Variants in PNMA1 observed in about 807,000 individuals in gnomAD.
PNMA1 encodes PNMA family member 1, also known as paraneoplastic antigen Ma1.
PNMA1 carries 21 observed loss-of-function variants against 26.1 expected under a neutral mutation model. The observed-to-expected ratio is 0.80, with a 90% CI of 0.57 to 1.16. The LOEUF is 1.16. PNMA1 is among the 50% of genes most tolerant of loss of function. PNMA1 has a pLI of 0.00. For synonymous variants in PNMA1, 189 were observed against 177.3 expected (o/e 1.07, Z -0.52); for missense variants, 435 against 437.3 (o/e 0.99, Z 0.05).
Position 73,712,622 on chromosome 14 carries a change from C to A in PNMA1, c.1018G>T (p.Ala340Ser), listed in dbSNP as rs779762720. ...CCTAACTGCAGAAGGGTGGCCTCAG[C>A]CTCCTCCTCCTCCTCCTTGGCTTCC... ...EEEAKEEEEE[A>S]EATLLQLGLE... is the part of the protein sequence containing the mutation. Residue 340 changes from alanine to serine, a missense_variant, in exon 1 of 1, where the codon GCT becomes TCT. Ala to Ser is a moderately conservative substitution (Grantham distance 99). Transcript: ENST00000316836. 1 of 1,590,028 alleles carries A rather than the reference C, an allele frequency of 6.3e-7. No homozygotes were observed. Among genetic ancestry groups the A allele is most frequent in the South Asian group, 1.1e-5 (1 of 88,780 alleles).
Position 73,712,493 on chromosome 14 carries a change from A to T in PNMA1, c.*85T>A. ...AACAGAACAAGGCTAAGCCTTTACT[A>T]CTCAGAGACACATCTGTAAGACCCC... On this transcript the variant is annotated 3_prime_UTR_variant, in exon 1 of 1. Transcript: ENST00000316836. The T allele has an allele frequency of 2.2e-6, 2 of 910,652 alleles. No homozygotes were observed. Among genetic ancestry groups the T allele is most frequent in the Non-Finnish European group, 3.4e-6 (2 of 592,686 alleles). 56.4% of individuals were successfully genotyped at this position (910,652 alleles called of 1,614,324 possible). A position where few individuals can be genotyped will look rare whatever the true frequency, so the allele number is the denominator to read the frequency against.
In PNMA1 at chr14:73,712,629, CTCCTCCTCCTTGGCT is replaced by C; in HGVS notation, c.996_1010del (p.Ala333_Glu337del). 6.2e-7 allele frequency: 1 copy of C among 1,613,298 alleles called. No individual in the cohort carries two copies. The highest frequency in any genetic ancestry group is 8.5e-7 in the Non-Finnish European group (1 of 1,179,618). ...GCAGAAGGGTGGCCTCAGCCTCCTC[CTCCTCCTCCTTGGCT>C]TCCTCCTCACGGATCTGCACCAGCA... is the stretch of plus-strand genomic sequence containing the variant. On this transcript the variant is annotated inframe_deletion, in exon 1 of 1. Transcript: ENST00000316836.
At position 73,713,991 on chromosome 14, in the gene PNMA1, C is replaced by A. The variant is rs1595241970; in HGVS notation, c.-352G>T. Reference sequence around the variant, plus strand: ...GAAGGCAGGCGCGCTGGGCCGAGAGCCGCCGGGGTGTGGTCGCGGGGCGTG... The same window carrying A: ...GAAGGCAGGCGCGCTGGGCCGAGAGACGCCGGGGTGTGGTCGCGGGGCGTG... On this transcript the variant is annotated 5_prime_UTR_variant, in exon 1 of 1. Coordinates refer to ENST00000316836, the MANE Select transcript of PNMA1 (RefSeq NM_006029.5). 2 of 193,552 alleles carry A rather than the reference C, an allele frequency of 1.0e-5. No homozygotes were observed. The highest frequency in any genetic ancestry group is 2.3e-5 in the Non-Finnish European group (2 of 88,190). 12.0% of individuals were successfully genotyped at this position (193,552 alleles called of 1,614,324 possible).
chr14:73,713,130 T>C lies in PNMA1; in HGVS notation c.510A>G (p.Pro170=), dbSNP rs1319074612. ...GATCAAAGGTTTCCTCTCCAGGCCC[T>C]GGGATGTCCCTCCCCGAGAAAAGTG... ...RLTLFSGRDI[P]GPGEETFDPW... The change falls in exon 1 of 1, where the codon CCA becomes CCG. Residue 170 remains proline, a synonymous_variant. Coordinates refer to ENST00000316836, the MANE Select transcript of PNMA1 (RefSeq NM_006029.5). The C allele has an allele frequency of 1.9e-6, 3 of 1,612,372 alleles. No homozygotes were observed. In the Admixed American group the frequency reaches 5.0e-5, roughly 27 times the overall value.
chr14:73,713,541 A>G lies in PNMA1; in HGVS notation c.99T>C (p.Ala33=), dbSNP rs1300852595. 3 of 1,614,006 alleles carry G rather than the reference A, an allele frequency of 1.9e-6. No individual in the cohort carries two copies. Among genetic ancestry groups the G allele is most frequent in the Non-Finnish European group, 2.5e-6 (3 of 1,180,014 alleles). The change falls in exon 1 of 1, where the codon GCT becomes GCC. Residue 33 remains alanine (A), a synonymous_variant. Coordinates refer to ENST00000316836, the MANE Select transcript of PNMA1 (RefSeq NM_006029.5). The part of the protein sequence containing the change: ...VWGIPVNCDE[A]EIEETLQAAM... ...CAGCCTGGAGGGTCTCTTCGATTTC[A>G]GCCTCATCACAGTTCACTGGGATGC...
rs538645852 is a variant in PNMA1 at position 73,712,271 on chromosome 14, C to T, written c.*307G>A. 3.4e-5 allele frequency: 11 copies of T among 327,278 alleles called. No individual in the cohort carries two copies. The South Asian group carries it at 5.8e-4, about 17-fold the overall frequency. The allele number at this position is 327,278 out of a possible 1,614,324, so 20.3% of individuals were successfully genotyped here. ...TGTGGAATAAGAAGTGTCATAGGTT[C>T]GCGTGTTTTTCACAACTGATTATGA... On this transcript the variant is annotated 3_prime_UTR_variant, in exon 1 of 1. Coordinates refer to ENST00000316836, the MANE Select transcript of PNMA1 (RefSeq NM_006029.5).
rs1253409068 is a variant in PNMA1 at position 73,713,281 on chromosome 14, G to A, written c.359C>T (p.Ala120Val). ...AREGWTVQDV[A>V]RVLGFQNPTP... ...AGGGTTCTGAAACCCAAGGACACGG[G>A]CAACATCTTGCACGGTCCACCCCTC... is the stretch of plus-strand genomic sequence containing the variant. The change falls in exon 1 of 1, where the codon GCC becomes GTC. Residue 120 changes from alanine (A) to valine (V), a missense_variant. Ala to Val is a moderately conservative substitution (Grantham distance 64, BLOSUM62 0). Coordinates refer to ENST00000316836, the MANE Select transcript of PNMA1 (RefSeq NM_006029.5). 6.2e-7 allele frequency: 1 copy of A among 1,614,216 alleles called. No individual in the cohort carries two copies. The highest frequency in any genetic ancestry group is 8.5e-7 in the Non-Finnish European group (1 of 1,180,038).
chr14:73,713,299 C>T lies in PNMA1; in HGVS notation c.341G>A (p.Trp114Ter). The change falls in exon 1 of 1, where the codon TGG (tryptophan) becomes TAG (stop). Residue 114 changes from tryptophan to a stop codon, truncating the protein, a stop_gained. Coordinates refer to ENST00000316836, the MANE Select transcript of PNMA1 (RefSeq NM_006029.5). LOFTEE classifies it high-confidence loss of function. ...GACACGGGCAACATCTTGCACGGTC[C>T]ACCCCTCTCTAGCTAGGAAGAGGTG... The part of the protein sequence containing the change: ...RLHLFLAREG[W>*]TVQDVARVLG... The T allele has an allele frequency of 6.2e-7, 1 of 1,614,192 alleles. No homozygotes were observed. The highest frequency in any genetic ancestry group is 2.2e-5 in the East Asian group (1 of 44,888).
In PNMA1 at chr14:73,712,538, C is replaced by G. The variant is rs768616345; in HGVS notation, c.*40G>C. The stretch of plus-strand genomic sequence containing the variant: ...GACCCCACAGGGACAAGAAAAGTAG[C>G]TGTGATCTAGGTCTGCACTAAAGCT... On this transcript the variant is annotated 3_prime_UTR_variant, in exon 1 of 1. Coordinates refer to ENST00000316836, the MANE Select transcript of PNMA1 (RefSeq NM_006029.5). 5.2e-6 allele frequency: 7 copies of G among 1,354,640 alleles called. No homozygotes were observed. Among genetic ancestry groups the G allele is most frequent in the Non-Finnish European group, 4.1e-6 (4 of 984,718 alleles). 83.9% of individuals were successfully genotyped at this position (1,354,640 alleles called of 1,614,324 possible). A position where few individuals can be genotyped will look rare whatever the true frequency, so the allele number is the denominator to read the frequency against.
Position 73,713,416 on chromosome 14 carries a change from G to A in PNMA1, c.224C>T (p.Ala75Val), listed in dbSNP as rs757179980. Reference sequence around the variant, plus strand: ...GCCCGGCATCTCCCTGGGGATCGCGGCGTAATCTACAGCGCCAGTGAGCTC... The same window carrying A: ...GCCCGGCATCTCCCTGGGGATCGCGACGTAATCTACAGCGCCAGTGAGCTC... ...LLELTGAVDYAAIPREMPGKG... is the reference protein window; with the variant it reads ...LLELTGAVDYVAIPREMPGKG... The change falls in exon 1 of 1, where the codon GCC becomes GTC. Residue 75 changes from alanine (A) to valine (V), a missense_variant. Transcript: ENST00000316836. The A allele has an allele frequency of 6.2e-7, 1 of 1,614,134 alleles. No individual in the cohort carries two copies. The highest frequency in any genetic ancestry group is 1.1e-5 in the South Asian group (1 of 91,072).
At position 73,712,947 on chromosome 14, in the gene PNMA1, CT is replaced by C. The variant is rs1455018951; in HGVS notation, c.692del (p.Lys231ArgfsTer21). The C allele has an allele frequency of 1.2e-6, 2 of 1,614,236 alleles. No homozygotes were observed. Among genetic ancestry groups the C allele is most frequent in the African/African-American group, 2.7e-5 (2 of 75,062 alleles). On this transcript the variant is annotated frameshift_variant, in exon 1 of 1. Transcript: ENST00000316836. LOFTEE classifies it high-confidence loss of function. The stretch of plus-strand genomic sequence containing the variant: ...CGCTCCCAAACACCTGCTCAAGCGC[CT>C]TCAGGCATTCGGCAGTGGTTATCGC... Reference protein sequence around the residue: ...NPAITTAECLKALEQVFGSVE... With the variant: ...NPAITTAECLXALEQVFGSVE...
chr14:73,714,003 G>A lies in PNMA1; in HGVS notation c.-364C>T. 1 of 186,444 alleles carries A rather than the reference G, an allele frequency of 5.4e-6. No individual in the cohort carries two copies. Among genetic ancestry groups the A allele is most frequent in the Non-Finnish European group, 1.2e-5 (1 of 82,660 alleles). 11.5% of individuals were successfully genotyped at this position (186,444 alleles called of 1,614,324 possible). A position where few individuals can be genotyped will look rare whatever the true frequency, so the allele number is the denominator to read the frequency against. The stretch of plus-strand genomic sequence containing the variant: ...GCTGGGCCGAGAGCCGCCGGGGTGT[G>A]GTCGCGGGGCGTGGCCGCCGGGCGC... On this transcript the variant is annotated 5_prime_UTR_variant, in exon 1 of 1. Transcript: ENST00000316836.
At position 73,712,614 on chromosome 14, in the gene PNMA1, G is replaced by GGCCTCA; in HGVS notation, c.1020_1025dup (p.Glu341_Ala342dup). On this transcript the variant is annotated inframe_insertion, in exon 1 of 1. Transcript: ENST00000316836. ...CTTCCAGGCCTAACTGCAGAAGGGTGGCCTCAGCCTCCTCCTCCTCCTCCT... is the reference window on the plus strand; with the variant it reads ...CTTCCAGGCCTAACTGCAGAAGGGTGGCCTCAGCCTCAGCCTCCTCCTCCTCCTCCT... 1 of 1,611,550 alleles carries GGCCTCA rather than the reference G, an allele frequency of 6.2e-7. No homozygotes were observed. Among genetic ancestry groups the GGCCTCA allele is most frequent in the East Asian group, 2.2e-5 (1 of 44,860 alleles).
In PNMA1 at chr14:73,713,746, G is replaced by A; in HGVS notation, c.-107C>T. 4 of 1,013,900 alleles carry A rather than the reference G, an allele frequency of 3.9e-6. No individual in the cohort carries two copies. Among genetic ancestry groups the A allele is most frequent in the Non-Finnish European group, 5.9e-6 (4 of 675,642 alleles). 62.8% of individuals were successfully genotyped at this position (1,013,900 alleles called of 1,614,324 possible). ...CCCACCAAGTAGGCCCGAGGGAGGC[G>A]ACCTTCATGCAGTCACGATTAACAA... On this transcript the variant is annotated 5_prime_UTR_variant, in exon 1 of 1. Transcript: ENST00000316836.
Position 73,713,491 on chromosome 14 carries a change from AT to A in PNMA1, c.148del (p.Met50CysfsTer17), listed in dbSNP as rs2052840106. The A allele has an allele frequency of 6.2e-7, 1 of 1,614,072 alleles. No homozygotes were observed. Among genetic ancestry groups the A allele is most frequent in the Non-Finnish European group, 8.5e-7 (1 of 1,180,036 alleles). On this transcript the variant is annotated frameshift_variant, in exon 1 of 1. Coordinates refer to ENST00000316836, the MANE Select transcript of PNMA1 (RefSeq NM_006029.5). LOFTEE classifies it high-confidence loss of function. ...TTCCCTCCAGAACATTCTCCCAAGCATTCGGTAGGAGACCTGGGGCATCGCA... is the reference window on the plus strand; with the variant it reads ...TTCCCTCCAGAACATTCTCCCAAGCATCGGTAGGAGACCTGGGGCATCGCA... ...QAAMPQVSYR[M>X]LGRMFWREEN...
chr14:73,713,408 G>T lies in PNMA1; in HGVS notation c.232C>A (p.Pro78Thr). 1.2e-6 allele frequency: 2 copies of T among 1,614,106 alleles called. No homozygotes were observed. The highest frequency in any genetic ancestry group is 1.7e-6 in the Non-Finnish European group (2 of 1,180,020). Reference sequence around the variant, plus strand: ...CCTCCTTTGCCCGGCATCTCCCTGGGGATCGCGGCGTAATCTACAGCGCCA... The same window carrying T: ...CCTCCTTTGCCCGGCATCTCCCTGGTGATCGCGGCGTAATCTACAGCGCCA... ...LTGAVDYAAI[P>T]REMPGKGGVW... is the part of the protein sequence containing the mutation. The change falls in exon 1 of 1, where the codon CCC (proline) becomes ACC (threonine). Residue 78 changes from proline (P) to threonine (T), a missense_variant. Coordinates refer to ENST00000316836, the MANE Select transcript of PNMA1 (RefSeq NM_006029.5).
In PNMA1 at chr14:73,712,697, C is replaced by T; in HGVS notation, c.943G>A (p.Glu315Lys). ...TGAAAGAGGTTTGGGGCTGGCCCTT[C>T]CCCAGCCCCGGTAAGCCACAGCTGC... ...RRQLWLTGAG[E>K]GPAPNLFQLL... is the part of the protein sequence containing the mutation. Residue 315 changes from glutamate to lysine, a missense_variant, in exon 1 of 1, where the codon GAA becomes AAA. By Grantham distance (56) the Glu-to-Lys change is moderately conservative. Coordinates refer to ENST00000316836, the MANE Select transcript of PNMA1 (RefSeq NM_006029.5). 1 of 1,614,024 alleles carries T rather than the reference C, an allele frequency of 6.2e-7. No homozygotes were observed. The highest frequency in any genetic ancestry group is 1.3e-5 in the African/African-American group (1 of 75,046).
In PNMA1 at chr14:73,712,493, A is replaced by G; in HGVS notation, c.*85T>C. 2.2e-6 allele frequency: 2 copies of G among 910,652 alleles called. No individual in the cohort carries two copies. Among genetic ancestry groups the G allele is most frequent in the Non-Finnish European group, 3.4e-6 (2 of 592,686 alleles). The allele number at this position is 910,652 out of a possible 1,614,324, so 56.4% of individuals were successfully genotyped here. Reference sequence around the variant, plus strand: ...AACAGAACAAGGCTAAGCCTTTACTACTCAGAGACACATCTGTAAGACCCC... The same window carrying G: ...AACAGAACAAGGCTAAGCCTTTACTGCTCAGAGACACATCTGTAAGACCCC... On this transcript the variant is annotated 3_prime_UTR_variant, in exon 1 of 1. Coordinates refer to ENST00000316836, the MANE Select transcript of PNMA1 (RefSeq NM_006029.5).
rs1187160762 is a variant in PNMA1, at chr14:73,713,801, C to A, written c.-162G>T. ...AGAGTCCTGATCTCGCCCTTCTCTG[C>A]CCCCACAGTCAGTCCGTAGGTGCAC... On this transcript the variant is annotated 5_prime_UTR_variant, in exon 1 of 1. Transcript: ENST00000316836. The A allele has an allele frequency of 9.1e-6, 6 of 660,110 alleles. No individual in the cohort carries two copies. In the East Asian group the frequency reaches 1.6e-4, roughly 18 times the overall value. 40.9% of individuals were successfully genotyped at this position (660,110 alleles called of 1,614,324 possible).
Sources: gnomAD v4.1 joint callset for allele counts on GRCh38, gnomAD v4.1.1 for gene constraint, MANE v1.5 for transcripts, NCBI Gene and HGNC (gene_info 2026-07-23, HGNC 2026-07-21) for gene names.